Variants in FHL5 observed in about 807,000 individuals in gnomAD.
FHL5 encodes the protein four and a half LIM domains protein 5.
FHL5 carries 33 observed loss-of-function variants against 32.0 expected under a neutral mutation model. The observed-to-expected ratio is 1.03, with a 90% CI of 0.78 to 1.38. The LOEUF is 1.38. Ranked by LOEUF, FHL5 falls within the 40% of genes most tolerant of loss-of-function variation. The pLI is 0.00. For synonymous variants in FHL5, 114 were observed against 113.6 expected, an observed-to-expected ratio of 1.00 and a Z score of -0.02; for missense variants, 336 against 343.9, an observed-to-expected ratio of 0.98 and a Z score of 0.18.
Position 96,583,071 on chromosome 6 carries a change from G to T in FHL5, c.-13+19716G>T, listed in dbSNP as rs530904417. On this transcript the variant is annotated intron_variant, in intron 1 of 5. Coordinates refer to ENST00000450218, the MANE Select transcript of FHL5 (RefSeq NM_001322466.2). ...TTTCATAACTGTGGACAAACTATAC[G>T]CTAGGGCTAAAACAACCAGCACGAG... 8.9e-4 allele frequency among the ~76,000 whole-genome samples: 135 copies of T among 152,142 alleles called. 1 individual carries two copies. Among genetic ancestry groups the T allele is most frequent in the African/African-American group, 3.1e-3 (129 of 41,522 alleles).
intron 4 of FHL5, among the ~76,000 whole-genome samples, chr6:96,609,090 AGTAT>A (rs1220811364): frequency 6.6e-6 from 1 of 152,214 alleles, no homozygotes; most frequent in African/African-American, 2.4e-5. Flanking sequence ...TATTCAGAAT[AGTAT>A]GCTTTTTTCC....
intron 1 of FHL5, among the ~76,000 whole-genome samples, chr6:96,567,078 A>G (rs1770374081): frequency 6.6e-6 from 1 of 151,936 alleles, no homozygotes. Context: ...AATACCCTGA[A>G]GTATTTCCCC....
chr6:96,592,615 G>A (rs1770945356), intron 1 of FHL5, among the ~76,000 whole-genome samples: 2 of 152,074 alleles, frequency 1.3e-5, no homozygotes, highest in Non-Finnish European at 2.9e-5. Context: ...GGTATTGACT[G>A]GGGAAGTGGT....
At chr6:96,564,370 A>G (rs1480078622) in intron 1 of FHL5, among the ~76,000 whole-genome samples, 1 of 152,202 alleles carries the variant, frequency 6.6e-6, no homozygotes, top group East Asian at 1.9e-4. Flanking sequence ...GCCATAATCC[A>G]AATTGCTTTA....
chr6:96,606,099 T>C, intron 4 of FHL5, 28 bp downstream of exon 4: 3 of 1,591,174 alleles, frequency 1.9e-6, no homozygotes, highest in Middle Eastern at 3.3e-4. Flanking sequence ...GTGAAGCTTG[T>C]GGAAACTCAG....
intron 1 of FHL5, among the ~76,000 whole-genome samples, chr6:96,586,190 T>C (rs1338841846): frequency 6.6e-6 from 1 of 152,212 alleles, no homozygotes; most frequent in African/African-American, 2.4e-5. Flanking sequence ...CTTTCTTGTT[T>C]TATTAAAAAT....
chr6:96,579,042 C>A (rs1241479702), intron 1 of FHL5, among the ~76,000 whole-genome samples: 4 of 151,994 alleles, frequency 2.6e-5, no homozygotes, highest in South Asian at 2.1e-4. Context: ...TGAAACTAAC[C>A]TTTTCTTCTA....
chr6:96,603,644 T>C lies in FHL5; in HGVS notation c.31T>C (p.Cys11Arg). The C allele has an allele frequency of 6.2e-7, 1 of 1,613,188 alleles. No individual in the cohort carries two copies. The highest frequency in any genetic ancestry group is 8.5e-7 in the Non-Finnish European group (1 of 1,179,712). Residue 11 changes from cysteine to arginine, a missense_variant, in exon 2 of 6, where the codon TGC becomes CGC. Physicochemically the swap from Cys to Arg is radical, Grantham distance 180. Coordinates refer to ENST00000450218, the MANE Select transcript of FHL5 (RefSeq NM_001322466.2). MTTAHFYCQY[C>R]TASLLGKKYV... is the part of the protein sequence containing the mutation. ...AACTGCTCACTTTTACTGTCAATAC[T>C]GCACAGCATCACTTCTTGGGAAGAA...
rs781315384 is a variant in FHL5, at chr6:96,603,693, C to T, written c.80C>T (p.Pro27Leu). 1 of 1,611,782 alleles carries T rather than the reference C, an allele frequency of 6.2e-7. No homozygotes were observed. The highest frequency in any genetic ancestry group is 8.5e-7 in the Non-Finnish European group (1 of 1,178,284). The change falls in exon 2 of 6, where the codon CCA (proline) becomes CTA (leucine). Residue 27 changes from proline (P) to leucine (L), a missense_variant. Physicochemically the swap from Pro to Leu is moderately conservative, Grantham distance 98. Transcript: ENST00000450218. Reference protein sequence around the residue: ...GKKYVLKDDSPYCVTCYDRVF... With the variant: ...GKKYVLKDDSLYCVTCYDRVF... ...AAATATGTACTAAAGGATGACAGTC[C>T]ATACTGTGTTACATGTTATGATCGT...
At chr6:96,585,815 T>C (rs893346446) in intron 1 of FHL5, among the ~76,000 whole-genome samples, 1 of 152,216 alleles carries the variant, frequency 6.6e-6, no homozygotes, top group Non-Finnish European at 1.5e-5. Context: ...TATATCCTAG[T>C]GCACTTCAAC....
At chr6:96,589,400 C>T (rs901212209) in intron 1 of FHL5, among the ~76,000 whole-genome samples, 2 of 152,002 alleles carry the variant, frequency 1.3e-5, no homozygotes, top group Admixed American at 1.3e-4. Context: ...TTTATATTGA[C>T]CTTGTATCAA....
chr6:96,613,205 TATATA>T (rs1410831511), intron 5 of FHL5, among the ~76,000 whole-genome samples: 3 of 145,282 alleles, frequency 2.1e-5, no homozygotes, highest in Non-Finnish European at 3.0e-5. Context: ...AAAAACATGT[TATATA>T]ATATATGTAC....
At chr6:96,590,897 A>G (rs906739296) in intron 1 of FHL5, among the ~76,000 whole-genome samples, 2 of 152,106 alleles carry the variant, frequency 1.3e-5, no homozygotes, top group East Asian at 3.8e-4. Context: ...ATTCTCTTGA[A>G]TTTTAAACTG....
At chr6:96,585,601 C>A (rs1365510792) in intron 1 of FHL5, among the ~76,000 whole-genome samples, 1 of 151,976 alleles carries the variant, frequency 6.6e-6, no homozygotes, top group Non-Finnish European at 1.5e-5. Context: ...TATTTTAAGA[C>A]ACATATCAAT....
At chr6:96,591,667 T>G (rs553667828) in intron 1 of FHL5, among the ~76,000 whole-genome samples, 18 of 152,286 alleles carry the variant, frequency 1.2e-4, no homozygotes, top group African/African-American at 4.1e-4. Context: ...GTAGGTATCC[T>G]CAATTTGTTA....
chr6:96,614,169 T>C (rs1771468858), intron 5 of FHL5, among the ~76,000 whole-genome samples: 1 of 152,252 alleles, frequency 6.6e-6, no homozygotes, highest in African/African-American at 2.4e-5. Context: ...ATTGCTTTTA[T>C]ATTTGCCACT....
intron 1 of FHL5, among the ~76,000 whole-genome samples, chr6:96,580,551 C>T (rs13202675): frequency 0.16 from 23,790 of 152,144 alleles, 2,053 homozygotes; most frequent in Middle Eastern, 0.26. Context: ...TAGAACAGAA[C>T]ATGTTGACAG....
chr6:96,583,838 CTATACGT>C (rs1770743485), intron 1 of FHL5, among the ~76,000 whole-genome samples: 1 of 152,088 alleles, frequency 6.6e-6, no homozygotes, highest in South Asian at 2.1e-4. Context: ...GACATATTTG[CTATACGT>C]GTAACAGATA....
At chr6:96,591,006 T>C (rs192351386) in intron 1 of FHL5, among the ~76,000 whole-genome samples, 4 of 152,248 alleles carry the variant, frequency 2.6e-5, no homozygotes, top group Admixed American at 6.5e-5. Flanking sequence ...TTGGGTTTTG[T>C]ATTTATTGTC....
Sources: gnomAD v4.1 joint callset for allele counts (sites outside exome capture counted in the v4.1 genomes callset) on GRCh38, gnomAD v4.1.1 for gene constraint, MANE v1.5 for transcripts, NCBI Gene and HGNC (gene_info 2026-07-23, HGNC 2026-07-21) for gene names.